Variants in GNGT2 observed in about 807,000 individuals in gnomAD.
GNGT2 encodes guanine nucleotide-binding protein G(I)/G(S)/G(O) subunit gamma-T2.
Under a neutral mutation model 3.5 loss-of-function variants are expected in GNGT2, and 4 were observed. The observed-to-expected ratio is 1.13, with a 90% confidence interval of 0.56 to 2.59. The LOEUF (loss-of-function observed/expected upper bound fraction) is 2.59, where lower values mean the gene tolerates loss of function less well. Ranked by LOEUF, GNGT2 falls within the 30% of genes most tolerant of loss-of-function variation. The probability of loss-of-function intolerance (pLI) is 0.02; values close to 1 mark genes in which losing one functional copy is unlikely to be tolerated. For missense variants in GNGT2, 64 were observed against 81.2 expected, an observed-to-expected ratio of 0.79 and a Z score of 0.82; for synonymous variants, 31 against 29.5, an observed-to-expected ratio of 1.05 and a Z score of -0.17.
Position 49,207,438 on chromosome 17 carries a change from C to T in GNGT2, c.-16G>A, listed in dbSNP as rs2043117114. Reference sequence around the variant, plus strand: ...CCTGGGCCATCCTGCCCTAGACAGACCTGATCCTGGAAAGGATTCAGCAGC... The same window carrying T: ...CCTGGGCCATCCTGCCCTAGACAGATCTGATCCTGGAAAGGATTCAGCAGC... On this transcript the variant is annotated 5_prime_UTR_variant, in exon 3 of 4. Transcript: ENST00000507680. 1 of 1,571,240 alleles carries T rather than the reference C, an allele frequency of 6.4e-7. No individual in the cohort carries two copies. Among genetic ancestry groups the T allele is most frequent in the African/African-American group, 1.4e-5 (1 of 74,068 alleles).
At chr17:49,208,122 GC>G (rs1304278182) in intron 2 of GNGT2, among the ~76,000 whole-genome samples, 1 of 151,700 alleles carries the variant, frequency 6.6e-6, no homozygotes, top group Non-Finnish European at 1.5e-5. Flanking sequence ...CTGAGATCAT[GC>G]CACTGCACTC....
In GNGT2 at chr17:49,210,484, CAAATGGGCCCCT is replaced by C; in HGVS notation, c.-185_-174del. The C allele has an allele frequency of 2.4e-6, 1 of 411,958 alleles. No homozygotes were observed. Among genetic ancestry groups the C allele is most frequent in the Non-Finnish European group, 4.3e-6 (1 of 232,938 alleles). 25.5% of individuals were successfully genotyped at this position (411,958 alleles called of 1,614,324 possible). A position where few individuals can be genotyped will look rare whatever the true frequency, so the allele number is the denominator to read the frequency against. On this transcript the variant is annotated 5_prime_UTR_variant, in exon 1 of 4. Transcript: ENST00000507680. This position sits in a 1 kb window ranked among gnomAD's most constrained non-coding sequence, Gnocchi z 4.2. ...TGGGTGGGATTGGGGGCTGGGCCCC[CAAATGGGCCCCT>C]GGCTTCCCCCTTCCTCTGGGCAGGG...
intron 1 of GNGT2, among the ~76,000 whole-genome samples, chr17:49,209,705 A>G (rs2233362): frequency 0.35 from 53,007 of 152,040 alleles, 9,323 homozygotes; most frequent in South Asian, 0.42. Flanking sequence ...TGTCTCTAGG[A>G]TGACAGGCTT....
At chr17:49,206,991 G>C in intron 3 of GNGT2, 109 bp from the exon 4 acceptor site, 1 of 1,147,784 alleles carries the variant, frequency 8.7e-7, no homozygotes, top group Non-Finnish European at 1.3e-6. Context: ...AGGGGCCAAA[G>C]AGGAGAAAGA....
At position 49,206,850 on chromosome 17, in the gene GNGT2, G is replaced by A. The variant is rs377007222; in HGVS notation, c.117C>T (p.Tyr39=). 2.8e-5 allele frequency: 45 copies of A among 1,613,438 alleles called. No homozygotes were observed. The highest frequency in any genetic ancestry group is 1.1e-4 in the South Asian group (10 of 91,044). Residue 39 remains tyrosine, a synonymous_variant, in exon 4 of 4, where the codon TAC becomes TAT. Transcript: ENST00000507680. ...ISKAGKEIKE[Y]VEAQAGNDPF... ...GATCGTTTCCTGCTTGGGCCTCCAC[G>A]TACTCCTTGATTTCCTTTCCCGCTT...
In GNGT2 at chr17:49,206,625, C is replaced by T; in HGVS notation, c.*132G>A. On this transcript the variant is annotated 3_prime_UTR_variant, in exon 4 of 4. Coordinates refer to ENST00000507680, the MANE Select transcript of GNGT2 (RefSeq NM_001198754.2). Reference sequence around the variant, plus strand: ...AAGGTGGGAGTGGGGAATGGGTTCACAATGCATTTGTTCAGGGATCTTTAC... The same window carrying T: ...AAGGTGGGAGTGGGGAATGGGTTCATAATGCATTTGTTCAGGGATCTTTAC... 1.2e-6 allele frequency: 1 copy of T among 804,632 alleles called. No homozygotes were observed. The highest frequency in any genetic ancestry group is 1.8e-5 in the South Asian group (1 of 55,350). The allele number at this position is 804,632 out of a possible 1,614,324, so 49.8% of individuals were successfully genotyped here.
At position 49,207,427 on chromosome 17, in the gene GNGT2, C is replaced by A; in HGVS notation, c.-5G>T. 1 of 1,598,532 alleles carries A rather than the reference C, an allele frequency of 6.3e-7. No individual in the cohort carries two copies. Among genetic ancestry groups the A allele is most frequent in the South Asian group, 1.1e-5 (1 of 90,726 alleles). Reference sequence around the variant, plus strand: ...CTCGCTGAGATCCTGGGCCATCCTGCCCTAGACAGACCTGATCCTGGAAAG... The same window carrying A: ...CTCGCTGAGATCCTGGGCCATCCTGACCTAGACAGACCTGATCCTGGAAAG... On this transcript the variant is annotated 5_prime_UTR_variant, in exon 3 of 4. Transcript: ENST00000507680.
Position 49,206,621 on chromosome 17 carries a change from T to C in GNGT2, c.*136A>G. ...GTTGAAGGTGGGAGTGGGGAATGGG[T>C]TCACAATGCATTTGTTCAGGGATCT... is the stretch of plus-strand genomic sequence containing the variant. On this transcript the variant is annotated 3_prime_UTR_variant, in exon 4 of 4. Coordinates refer to ENST00000507680, the MANE Select transcript of GNGT2 (RefSeq NM_001198754.2). The C allele has an allele frequency of 1.3e-6, 1 of 781,580 alleles. No homozygotes were observed. Among genetic ancestry groups the C allele is most frequent in the East Asian group, 2.7e-5 (1 of 37,700 alleles). The allele number at this position is 781,580 out of a possible 1,614,324, so 48.4% of individuals were successfully genotyped here. A position where few individuals can be genotyped will look rare whatever the true frequency, so the allele number is the denominator to read the frequency against.
chr17:49,208,417 C>T (rs887093706), intron 2 of GNGT2, among the ~76,000 whole-genome samples: 1 of 150,966 alleles, frequency 6.6e-6, no homozygotes, highest in African/African-American at 2.4e-5. Flanking sequence ...GCCGAGATCA[C>T]ACCACTGCAC....
chr17:49,210,388 C>T lies in GNGT2; in HGVS notation c.-133+56G>A, dbSNP rs560322766. 3 of 202,014 alleles carry T rather than the reference C, an allele frequency of 1.5e-5. No individual in the cohort carries two copies. Among genetic ancestry groups the T allele is most frequent in the Non-Finnish European group, 3.0e-5 (3 of 99,732 alleles). The allele number at this position is 202,014 out of a possible 1,614,324, so 12.5% of individuals were successfully genotyped here. Reference sequence around the variant, plus strand: ...CTTCCTCCCCAGTCTCCGACCCCATCCCCCAGCCGACCAGTTTCCTCTCCA... The same window carrying T: ...CTTCCTCCCCAGTCTCCGACCCCATTCCCCAGCCGACCAGTTTCCTCTCCA... On this transcript the variant is annotated intron_variant, in intron 1 of 3. Transcript: ENST00000507680. The surrounding 1 kb of genome is among the most constrained non-coding windows in gnomAD (Gnocchi z 4.2).
intron 1 of GNGT2, among the ~76,000 whole-genome samples, chr17:49,209,688 A>G (rs903025152): frequency 6.6e-6 from 1 of 152,146 alleles, no homozygotes; most frequent in Non-Finnish European, 1.5e-5. Context: ...AGGTCCTCTT[A>G]TTCTCCTGTC....
At position 49,206,569 on chromosome 17, in the gene GNGT2, A is replaced by G; in HGVS notation, c.*188T>C. On this transcript the variant is annotated 3_prime_UTR_variant, in exon 4 of 4. Transcript: ENST00000507680. The stretch of plus-strand genomic sequence containing the variant: ...CCAGCAAGGTCAGCAGAGACCCAGC[A>G]GGTGGAGGAAATAATGGGAGAAAAG... The G allele has an allele frequency of 5.1e-6, 3 of 589,428 alleles. No individual in the cohort carries two copies. Among genetic ancestry groups the G allele is most frequent in the Non-Finnish European group, 5.8e-6 (2 of 342,314 alleles). The allele number at this position is 589,428 out of a possible 1,614,324, so 36.5% of individuals were successfully genotyped here.
chr17:49,208,462 A>C (rs1294223000), intron 2 of GNGT2, among the ~76,000 whole-genome samples: 1 of 138,698 alleles, frequency 7.2e-6, no homozygotes, highest in African/African-American at 2.6e-5. Context: ...ACTCCATCTC[A>C]AAAAAAAAAA....
At chr17:49,208,185 G>A (rs2043122419) in intron 2 of GNGT2, among the ~76,000 whole-genome samples, 1 of 151,916 alleles carries the variant, frequency 6.6e-6, no homozygotes, top group South Asian at 2.1e-4. Flanking sequence ...AAGATCCCAG[G>A]CACTGTGGCT....
intron 2 of GNGT2, among the ~76,000 whole-genome samples, chr17:49,207,986 C>T (rs1567877931): frequency 6.6e-6 from 1 of 151,790 alleles, no homozygotes; most frequent in African/African-American, 2.4e-5. Flanking sequence ...GCCAACATGG[C>T]GAAACCTCGT....
At chr17:49,208,297 C>T (rs758045442) in intron 2 of GNGT2, among the ~76,000 whole-genome samples, 2 of 151,956 alleles carry the variant, frequency 1.3e-5, no homozygotes, top group Admixed American at 6.6e-5. Context: ...CCCATCTCTA[C>T]TAAAAATACA....
intron 3 of GNGT2, 79 bp from the exon 4 acceptor site, chr17:49,206,961 C>T: frequency 6.6e-7 from 1 of 1,504,322 alleles, no homozygotes; most frequent in Admixed American, 1.7e-5. Flanking sequence ...GAAAAACAGG[C>T]TTCTGGGCAG....
At chr17:49,207,738 C>T (rs918636502) in intron 2 of GNGT2, among the ~76,000 whole-genome samples, 1 of 152,104 alleles carries the variant, frequency 6.6e-6, no homozygotes, top group Admixed American at 6.5e-5. Context: ...ACAGAGGAAA[C>T]AGAGAAGAAA....
chr17:49,209,645 A>G (rs2043140378), intron 1 of GNGT2, among the ~76,000 whole-genome samples: 1 of 152,118 alleles, frequency 6.6e-6, no homozygotes, highest in East Asian at 1.9e-4. Context: ...CCGCTGGAGG[A>G]GCAAAAGTTA....
Sources: gnomAD v4.1 joint callset for allele counts (sites outside exome capture counted in the v4.1 genomes callset) on GRCh38, gnomAD v4.1.1 for gene constraint, Gnocchi (gnomAD v3.1) non-coding constraint, MANE v1.5 for transcripts, NCBI Gene and HGNC (gene_info 2026-07-23, HGNC 2026-07-21) for gene names.